TMEM232: variants seen among roughly 807,000 people sequenced by gnomAD.
The protein encoded by TMEM232 is transmembrane protein 232.
Under a neutral mutation model 78.8 loss-of-function variants are expected in TMEM232, and 80 were observed. The observed-to-expected ratio is 1.01, with a 90% CI of 0.85 to 1.22. TMEM232 has a LOEUF of 1.22. Ranked by LOEUF, TMEM232 falls within the 50% of genes most tolerant of loss-of-function variation. TMEM232 has a pLI of 0.00. For missense variants in TMEM232, 881 were observed against 742.2 expected, an observed-to-expected ratio of 1.19 and a Z score of -2.17; for synonymous variants, 297 against 254.3, an observed-to-expected ratio of 1.17 and a Z score of -1.60.
chr5:110,604,669 A>T (rs917036723), intron 10 of TMEM232, among the ~76,000 whole-genome samples: 13 of 152,130 alleles, frequency 8.5e-5, no homozygotes, highest in African/African-American at 2.7e-4. Context: ...TATTGATAAA[A>T]ATTTTCTGGC....
intron 2 of TMEM232, among the ~76,000 whole-genome samples, chr5:110,411,189 C>T (rs1397490168): frequency 6.6e-6 from 1 of 152,130 alleles, no homozygotes; most frequent in Non-Finnish European, 1.5e-5. Flanking sequence ...CTCCCTGATG[C>T]TCCCAGCTCT....
intron 11 of TMEM232, among the ~76,000 whole-genome samples, chr5:110,554,125 T>C (rs1300075417): frequency 6.6e-6 from 1 of 152,102 alleles, no homozygotes; most frequent in East Asian, 1.9e-4. Flanking sequence ...TGATCCTGGG[T>C]GTGTCTGTGA....
intron 2 of TMEM232, among the ~76,000 whole-genome samples, chr5:110,666,420 T>G (rs911598352): frequency 1.1e-4 from 17 of 152,172 alleles, no homozygotes; most frequent in African/African-American, 3.6e-4. Context: ...TATTTTCAAT[T>G]TTTAAATGCA....
At position 110,483,064 on chromosome 5, in the gene TMEM232, T is replaced by C. The variant is rs187889658; in HGVS notation, c.1703+45524A>G. Among the ~76,000 whole-genome samples the C allele has an allele frequency of 3.5e-3, 536 of 152,318 alleles. 4 individuals carry two copies. Among genetic ancestry groups the C allele is most frequent in the African/African-American group, 0.012 (495 of 41,574 alleles). ...ATTTTTGTTGATAATACCTTTTTTTTCTATCTTAGTTTAAAAGCCCTGCAT... is the reference window on the plus strand; with the variant it reads ...ATTTTTGTTGATAATACCTTTTTTTCCTATCTTAGTTTAAAAGCCCTGCAT... On this transcript the variant is annotated intron_variant, in intron 12 of 13. Coordinates refer to ENST00000455884, the MANE Select transcript of TMEM232 (RefSeq NM_001039763.4).
At chr5:110,661,850 A>G (rs1272804655) in intron 2 of TMEM232, among the ~76,000 whole-genome samples, 1 of 152,188 alleles carries the variant, frequency 6.6e-6, no homozygotes, top group Non-Finnish European at 1.5e-5. Context: ...AGTTGGGGTG[A>G]GATAATGTCT....
intron 11 of TMEM232, among the ~76,000 whole-genome samples, chr5:110,533,610 TC>T (rs1226819232): frequency 6.6e-6 from 1 of 152,162 alleles, no homozygotes; most frequent in Non-Finnish European, 1.5e-5. Context: ...TACTTTCTGC[TC>T]CCCGGCTCCT....
At chr5:110,441,208 A>G (rs2112756530) in intron 12 of TMEM232, among the ~76,000 whole-genome samples, 1 of 152,202 alleles carries the variant, frequency 6.6e-6, no homozygotes, top group East Asian at 1.9e-4. Flanking sequence ...TGAGACATTT[A>G]GCAATAGCTC....
Position 110,518,671 on chromosome 5 carries a change from TTGTGTACACAAAGGAAAGCC to T in TMEM232, c.1703+9897_1703+9916del, listed in dbSNP as rs1374556468. On this transcript the variant is annotated intron_variant, in intron 12 of 13. Coordinates refer to ENST00000455884, the MANE Select transcript of TMEM232 (RefSeq NM_001039763.4). ...ACTCAAGCATTTTTCTGTTGACCAT[TTGTGTACACAAAGGAAAGCC>T]TGCCCACCAGGCTTGCTGCACTCAA... Among the ~76,000 whole-genome samples, 25 of 152,326 alleles carry T rather than the reference TTGTGTACACAAAGGAAAGCC, an allele frequency of 1.6e-4. No individual in the cohort carries two copies. In the East Asian group the frequency reaches 4.2e-3, roughly 26 times the overall value.
At chr5:110,679,350 T>C (rs1328486639) in intron 1 of TMEM232, among the ~76,000 whole-genome samples, 1 of 152,244 alleles carries the variant, frequency 6.6e-6, no homozygotes, top group East Asian at 1.9e-4. Flanking sequence ...GTTAAGGTTT[T>C]TGGTCCATTT....
At chr5:110,598,553 T>C (rs564138522) in intron 10 of TMEM232, among the ~76,000 whole-genome samples, 90 of 152,012 alleles carry the variant, frequency 5.9e-4, no homozygotes, top group Non-Finnish European at 1.0e-3. Flanking sequence ...TATAAAGACA[T>C]ATGCACACGT....
At chr5:110,442,278 T>C (rs1759144152) in intron 12 of TMEM232, among the ~76,000 whole-genome samples, 1 of 152,148 alleles carries the variant, frequency 6.6e-6, no homozygotes, top group Non-Finnish European at 1.5e-5. Context: ...GGTTATTTTC[T>C]ACATCTTGTA....
At chr5:110,620,312 T>C (rs1372617132) in intron 7 of TMEM232, among the ~76,000 whole-genome samples, 1 of 152,186 alleles carries the variant, frequency 6.6e-6, no homozygotes, top group African/African-American at 2.4e-5. Context: ...TTTTGGACAA[T>C]ATTACTCTGA....
chr5:110,554,002 G>GAAC (rs1231665264), intron 11 of TMEM232, among the ~76,000 whole-genome samples: 2 of 152,114 alleles, frequency 1.3e-5, no homozygotes, highest in African/African-American at 4.8e-5. Flanking sequence ...CTGTTTATGT[G>GAAC]ATGAATCACA....
chr5:110,656,760 C>T (rs1203277818), intron 2 of TMEM232, among the ~76,000 whole-genome samples: 1 of 151,740 alleles, frequency 6.6e-6, no homozygotes. Flanking sequence ...ATGGCATGAA[C>T]CCAGGAGGCG....
At chr5:110,628,683 GTGTGTGTGTGTGT>G (rs1346909870) in intron 5 of TMEM232, among the ~76,000 whole-genome samples, 4,360 of 151,824 alleles carry the variant, frequency 0.029, 166 homozygotes, top group African/African-American at 0.088. Flanking sequence ...GTGTGTGTGT[GTGTGTGTGTGTGT>G]GTGTATCTCA....
At chr5:110,592,693 A>G (rs1471862499) in intron 10 of TMEM232, among the ~76,000 whole-genome samples, 1 of 152,140 alleles carries the variant, frequency 6.6e-6, no homozygotes, top group African/African-American at 2.4e-5. Flanking sequence ...CAAACAAAAA[A>G]AGCTATCCAT....
Position 110,700,778 on chromosome 5 carries a change from ATAGATAGG to A in TMEM232, c.-13+25841_-13+25848del, listed in dbSNP as rs1385055795. 1.5e-3 allele frequency among the ~76,000 whole-genome samples: 187 copies of A among 125,618 alleles called. 2 individuals carry two copies. The highest frequency in any genetic ancestry group is 2.5e-3 in the Non-Finnish European group (140 of 57,138). The allele number at this position is 125,618 out of a possible 152,430, so 82.4% of individuals were successfully genotyped here. ...GGTAGGTAGGTAGGTAGGTAGATAG[ATAGATAGG>A]TAGATAGATAGATAGATAGATAGAT... On this transcript the variant is annotated intron_variant, in intron 1 of 13. Transcript: ENST00000455884.
At chr5:110,618,011 A>AT in intron 8 of TMEM232, 6 of 170,362 alleles carry the variant, frequency 3.5e-5, no homozygotes, top group South Asian at 1.4e-4. Flanking sequence ...ACCAAAAAAA[A>AT]TTTTTTTTTA....
At chr5:110,499,646 C>CACACAT (rs1322643932) in intron 12 of TMEM232, among the ~76,000 whole-genome samples, 1 of 145,080 alleles carries the variant, frequency 6.9e-6, no homozygotes, top group African/African-American at 2.7e-5. Flanking sequence ...CACACACACA[C>CACACAT]ATATATATAT....
Sources: gnomAD v4.1 joint callset for allele counts (sites outside exome capture counted in the v4.1 genomes callset) on GRCh38, gnomAD v4.1.1 for gene constraint, MANE v1.5 for transcripts, NCBI Gene and HGNC (gene_info 2026-07-23, HGNC 2026-07-21) for gene names.